The following GPHN variants were observed in gnomAD, a reference collection of about 807,000 sequenced individuals.
GPHN encodes gephyrin.
Under a neutral mutation model 95.5 loss-of-function variants are expected in GPHN, and 17 were observed. The ratio of observed to expected loss-of-function variants is 0.18; its 90% CI spans 0.12 to 0.27. GPHN has a LOEUF of 0.27. GPHN is among the 10% of genes least tolerant of loss of function. GPHN has a pLI of 1.00. For synonymous variants in GPHN, 320 were observed against 322.5 expected, an observed-to-expected ratio of 0.99 and a Z score of 0.08; for missense variants, 660 against 978.1, an observed-to-expected ratio of 0.67 and a Z score of 4.34.
the GPHN span, chr14:67,576,513 G>C: frequency 2.9e-6 from 4 of 1,393,568 alleles, no homozygotes; most frequent in Non-Finnish European, 4.1e-6. This position sits in a 1 kb window ranked among gnomAD's most constrained non-coding sequence, Gnocchi z 4.0. Context: ...GGTAAGGCAA[G>C]GGTGGCCACC....
chr14:66,640,641 G>A (rs2064342584), intron 1 of GPHN, among the ~76,000 whole-genome samples: 2 of 152,088 alleles, frequency 1.3e-5, no homozygotes, highest in South Asian at 4.1e-4. Context: ...CAGAGACTAA[G>A]TTTGACCTTG....
chr14:67,177,649 T>G (rs2083072990), intron 21 of GPHN, among the ~76,000 whole-genome samples: 1 of 152,152 alleles, frequency 6.6e-6, no homozygotes, highest in South Asian at 2.1e-4. Context: ...TTTTCTGTCT[T>G]GTTGATCTGT....
At chr14:67,663,356 T>C in the GPHN span, among the ~76,000 whole-genome samples, 1 of 152,134 alleles carries the variant, frequency 6.6e-6, no homozygotes, top group Non-Finnish European at 1.5e-5. Flanking sequence ...GTATTTTACA[T>C]GAAATAAGTT....
the GPHN span, among the ~76,000 whole-genome samples, chr14:67,367,338 C>T: frequency 6.6e-6 from 1 of 152,204 alleles, no homozygotes; most frequent in Non-Finnish European, 1.5e-5. Flanking sequence ...TCAAGCAATT[C>T]TCCTGTCTCA....
the GPHN span, chr14:67,727,408 GT>G: frequency 3.7e-6 from 2 of 544,088 alleles, no homozygotes; most frequent in Non-Finnish European, 6.6e-6. Flanking sequence ...CCTTGTATTT[GT>G]GTCACATCTT....
chr14:67,067,260 G>C (rs918270311), intron 11 of GPHN, among the ~76,000 whole-genome samples: 1 of 152,220 alleles, frequency 6.6e-6, no homozygotes, highest in African/African-American at 2.4e-5. Context: ...ATCACCAGCA[G>C]AGGCTGCAGA....
the GPHN span, chr14:67,387,522 A>G: frequency 6.5e-7 from 1 of 1,530,662 alleles, no homozygotes; most frequent in East Asian, 2.3e-5. Context: ...ATCTTGAACC[A>G]GCAGAAAGTC....
chr14:66,978,378 A>C (rs889378408), intron 9 of GPHN, among the ~76,000 whole-genome samples: 1 of 151,406 alleles, frequency 6.6e-6, no homozygotes, highest in Non-Finnish European at 1.5e-5. Flanking sequence ...ATTGGAGTCA[A>C]TCCTCTCAAA....
chr14:67,590,547 C>T, the GPHN span, among the ~76,000 whole-genome samples: 1 of 152,160 alleles, frequency 6.6e-6, no homozygotes, highest in Non-Finnish European at 1.5e-5. Flanking sequence ...TTAGTAGAGA[C>T]AGGGTTTCAC....
At chr14:66,565,529 G>T (rs997386458) in intron 1 of GPHN, among the ~76,000 whole-genome samples, 1 of 152,018 alleles carries the variant, frequency 6.6e-6, no homozygotes, top group African/African-American at 2.4e-5. Flanking sequence ...TGAACTCTTG[G>T]GCTCAAGTGA....
chr14:66,513,938 A>G (rs1357588395), intron 1 of GPHN, among the ~76,000 whole-genome samples: 1 of 151,942 alleles, frequency 6.6e-6, no homozygotes, highest in Non-Finnish European at 1.5e-5. Flanking sequence ...ACATTTCGAA[A>G]GAGTGTAATT....
chr14:66,695,841 C>G (rs555398625), intron 2 of GPHN, among the ~76,000 whole-genome samples: 2 of 152,178 alleles, frequency 1.3e-5, no homozygotes, highest in East Asian at 3.9e-4. Context: ...CAGTGCTTGC[C>G]AGAGGTTAGA....
the GPHN span, among the ~76,000 whole-genome samples, chr14:67,521,725 GT>G: frequency 2.6e-5 from 4 of 152,184 alleles, no homozygotes; most frequent in African/African-American, 7.2e-5. Context: ...ATTAGCACAG[GT>G]TGATAAGAAG....
At chr14:67,480,374 C>G in the GPHN span, among the ~76,000 whole-genome samples, 4 of 152,158 alleles carry the variant, frequency 2.6e-5, no homozygotes, top group African/African-American at 9.7e-5. Context: ...CCACAGACAT[C>G]CCGGGAGACT....
the GPHN span, among the ~76,000 whole-genome samples, chr14:67,406,411 C>T: frequency 0.26 from 39,614 of 151,928 alleles, 9,558 homozygotes; most frequent in African/African-American, 0.6. Flanking sequence ...GCTCAGTCTT[C>T]CTGGTTGTGT....
At chr14:67,685,350 T>C in the GPHN span, 1 of 622,384 alleles carries the variant, frequency 1.6e-6, no homozygotes, top group Non-Finnish European at 2.8e-6. Flanking sequence ...CTCACAGTAA[T>C]TTATACTTCC....
the GPHN span, chr14:67,279,343 G>A: frequency 9.3e-6 from 15 of 1,613,856 alleles, no homozygotes; most frequent in Admixed American, 5.0e-5. Context: ...CAGTTGGAGC[G>A]TATTCGGCAA....
chr14:67,270,833 T>C, the GPHN span: 1 of 147,016 alleles, frequency 6.8e-6, no homozygotes, highest in African/African-American at 2.6e-5. Flanking sequence ...GTTTTTGGAG[T>C]GTTAAATGGT....
intron 2 of GPHN, among the ~76,000 whole-genome samples, chr14:66,773,458 A>G (rs917090796): frequency 6.8e-6 from 1 of 147,420 alleles, no homozygotes; most frequent in Non-Finnish European, 1.5e-5. Flanking sequence ...GGTTCAAGCT[A>G]TTCTTCTGCC....
Sources: gnomAD v4.1 joint callset for allele counts (sites outside exome capture counted in the v4.1 genomes callset) on GRCh38, gnomAD v4.1.1 for gene constraint, Gnocchi (gnomAD v3.1) non-coding constraint, MANE v1.5 for transcripts, NCBI Gene and HGNC (gene_info 2026-07-23, HGNC 2026-07-21) for gene names.